Variants in RAPGEF6 observed in about 807,000 individuals in gnomAD.
The protein encoded by RAPGEF6 is Rap guanine nucleotide exchange factor 6, also known as PDZ domain containing guanine nucleotide exchange factor (GEF) 2.
RAPGEF6 carries 56 observed loss-of-function variants against 171.4 expected under a neutral mutation model. The observed-to-expected ratio is 0.33, with a 90% CI of 0.26 to 0.41. RAPGEF6 has a LOEUF of 0.41. RAPGEF6 is among the 10% of genes least tolerant of loss of function. The pLI is 1.00. For missense variants in RAPGEF6, 1,674 were observed against 1,921.4 expected (o/e 0.87, Z 2.41); for synonymous variants, 692 against 650.1 (o/e 1.06, Z -0.98).
Position 131,555,707 on chromosome 5 carries a change from CT to C in RAPGEF6, c.351+6270del, listed in dbSNP as rs532545646. On this transcript the variant is annotated intron_variant, in intron 5 of 27. Coordinates refer to ENST00000509018, the MANE Select transcript of RAPGEF6 (RefSeq NM_016340.6). ...ACCACTAACATCCTGGTTACATCAT[CT>C]TGGATACTAATATTTATATATGTAT... Among the ~76,000 whole-genome samples the C allele has an allele frequency of 3.8e-3, 571 of 151,892 alleles. 4 individuals carry two copies. The highest frequency in any genetic ancestry group is 0.013 in the African/African-American group (541 of 41,424).
At chr5:131,547,988 T>G in intron 6 of RAPGEF6, 59 bp downstream of exon 6, 1 of 1,553,092 alleles carries the variant, frequency 6.4e-7, no homozygotes, top group Non-Finnish European at 8.8e-7. Flanking sequence ...ACATGTAAAT[T>G]AAAGATACTA....
intron 21 of RAPGEF6, among the ~76,000 whole-genome samples, chr5:131,452,532 A>G (rs1316547473): frequency 6.6e-6 from 1 of 152,214 alleles, no homozygotes; most frequent in Non-Finnish European, 1.5e-5. Flanking sequence ...AAAAATATTC[A>G]GTAAAAATAA....
chr5:131,455,408 G>A (rs1027153898), intron 20 of RAPGEF6, among the ~76,000 whole-genome samples: 5 of 152,072 alleles, frequency 3.3e-5, no homozygotes, highest in South Asian at 2.1e-4. Context: ...ACAGGCGGCC[G>A]CCACCACCCC....
At chr5:131,464,001 A>T in intron 18 of RAPGEF6, 40 bp downstream of exon 18, 1 of 1,522,320 alleles carries the variant, frequency 6.6e-7, no homozygotes, top group African/African-American at 1.4e-5. Flanking sequence ...CTTCAAAAGC[A>T]CATCTACAAA....
At chr5:131,492,474 G>GA (rs1756346568) in intron 14 of RAPGEF6, 108 bp downstream of exon 14, 4 of 1,124,268 alleles carry the variant, frequency 3.6e-6, no homozygotes, top group Non-Finnish European at 5.2e-6. Context: ...AAAAGGCTCA[G>GA]AAAAATATTT....
rs757137870 is a variant in RAPGEF6 at position 131,464,301 on chromosome 5, T to C, written c.2240-20A>G. On this transcript the variant is annotated intron_variant, in intron 17 of 27. Coordinates refer to ENST00000509018, the MANE Select transcript of RAPGEF6 (RefSeq NM_016340.6). ...GGATATCTACATAAATAGAAAGATA[T>C]GCTTTGTTATTTTTTAAAAAAATCA... The C allele has an allele frequency of 2.5e-6, 4 of 1,595,274 alleles. No individual in the cohort carries two copies. The highest frequency in any genetic ancestry group is 2.6e-6 in the Non-Finnish European group (3 of 1,164,320).
At chr5:131,574,945 CT>C (rs1762522998) in intron 4 of RAPGEF6, among the ~76,000 whole-genome samples, 1 of 152,138 alleles carries the variant, frequency 6.6e-6, no homozygotes, top group African/African-American at 2.4e-5. Context: ...ACAAATTCTC[CT>C]TACAATTCTC....
At chr5:131,531,995 C>A in intron 6 of RAPGEF6, 1 of 314,416 alleles carries the variant, frequency 3.2e-6, no homozygotes. Flanking sequence ...CTTTGTAGTT[C>A]TTATTTTTAA....
In RAPGEF6 at chr5:131,520,016, T is replaced by C. The variant is rs533199309; in HGVS notation, c.627+1374A>G. Among the ~76,000 whole-genome samples, 5 of 152,310 alleles carry C rather than the reference T, an allele frequency of 3.3e-5. No individual in the cohort carries two copies. The East Asian group carries it at 9.6e-4, about 29-fold the overall frequency. Reference sequence around the variant, plus strand: ...GGGAAAAATTCCTTGTTCTGTATACTGTAAAAAGCAAACAGGGAGATATAG... The same window carrying C: ...GGGAAAAATTCCTTGTTCTGTATACCGTAAAAAGCAAACAGGGAGATATAG... On this transcript the variant is annotated intron_variant, in intron 7 of 27. Transcript: ENST00000509018.
chr5:131,438,708 A>G (rs942554440), intron 24 of RAPGEF6, among the ~76,000 whole-genome samples: 1 of 152,230 alleles, frequency 6.6e-6, no homozygotes, highest in Non-Finnish European at 1.5e-5. Flanking sequence ...GCTAGCCAAG[A>G]AAAGAAATGC....
intron 7 of RAPGEF6, among the ~76,000 whole-genome samples, chr5:131,520,962 C>T (rs1385849377): frequency 4.6e-5 from 7 of 152,152 alleles, no homozygotes; most frequent in African/African-American, 1.2e-4. Flanking sequence ...ATTTAATTCA[C>T]GCTAGACTAC....
At position 131,426,942 on chromosome 5, in the gene RAPGEF6, A is replaced by G. The variant is rs1271649611; in HGVS notation, c.*324T>C. On this transcript the variant is annotated 3_prime_UTR_variant, in exon 28 of 28. Coordinates refer to ENST00000509018, the MANE Select transcript of RAPGEF6 (RefSeq NM_016340.6). ...GCCATTATCTTTAAAATAGCTTGTT[A>G]AAGAAAAATCTATAGCAATATACAC... The G allele has an allele frequency of 7.0e-6, 2 of 284,620 alleles. No homozygotes were observed. Among genetic ancestry groups the G allele is most frequent in the Non-Finnish European group, 1.3e-5 (2 of 155,326 alleles). The allele number at this position is 284,620 out of a possible 1,614,324, so 17.6% of individuals were successfully genotyped here. A position where few individuals can be genotyped will look rare whatever the true frequency, so the allele number is the denominator to read the frequency against.
chr5:131,508,045 T>G, intron 9 of RAPGEF6, 26 bp downstream of exon 9: 2 of 1,545,742 alleles, frequency 1.3e-6, no homozygotes, highest in Non-Finnish European at 1.8e-6. Context: ...CCATAATAAA[T>G]GTATGTAATT....
chr5:131,469,789 T>C, intron 17 of RAPGEF6: 1 of 1,508,508 alleles, frequency 6.6e-7, no homozygotes, highest in Non-Finnish European at 8.9e-7. Flanking sequence ...CTACAGTCTT[T>C]AAGATACTTA....
chr5:131,517,065 A>T (rs1239901652), intron 7 of RAPGEF6, among the ~76,000 whole-genome samples: 1 of 152,196 alleles, frequency 6.6e-6, no homozygotes, highest in East Asian at 1.9e-4. Flanking sequence ...GGGCGCTAAC[A>T]ATTGGGTACA....
intron 23 of RAPGEF6, among the ~76,000 whole-genome samples, chr5:131,440,728 ACT>A (rs1350450506): frequency 5.4e-5 from 7 of 129,056 alleles, no homozygotes; most frequent in South Asian, 2.6e-4. Context: ...ACAGAGGGAG[ACT>A]CTGTCTCAAA....
intron 24 of RAPGEF6, chr5:131,436,443 A>G: frequency 7.5e-7 from 1 of 1,335,904 alleles, no homozygotes; most frequent in Non-Finnish European, 1.0e-6. Context: ...TTTACATAAT[A>G]TTTCACTATT....
intron 15 of RAPGEF6, 81 bp from the exon 16 acceptor site, chr5:131,479,834 C>T: frequency 2.1e-6 from 3 of 1,399,834 alleles, no homozygotes; most frequent in African/African-American, 2.9e-5. Context: ...TAAGGATAAA[C>T]ACAGTGACTT....
chr5:131,458,603 A>G (rs1327203859), intron 19 of RAPGEF6, among the ~76,000 whole-genome samples: 1 of 152,242 alleles, frequency 6.6e-6, no homozygotes, highest in Non-Finnish European at 1.5e-5. Context: ...TCAAATGTCC[A>G]CTAAAGTAAT....
Sources: gnomAD v4.1 joint callset for allele counts (sites outside exome capture counted in the v4.1 genomes callset) on GRCh38, gnomAD v4.1.1 for gene constraint, MANE v1.5 for transcripts, NCBI Gene and HGNC (gene_info 2026-07-23, HGNC 2026-07-21) for gene names.